The following PDE10A variants were observed in gnomAD, a reference collection of about 807,000 sequenced individuals.
The protein encoded by PDE10A is cAMP and cAMP-inhibited cGMP 3',5'-cyclic phosphodiesterase 10A.
PDE10A carries 39 observed loss-of-function variants against 97.7 expected under a neutral mutation model. The observed-to-expected ratio is 0.40, with a 90% CI of 0.31 to 0.52. The LOEUF is 0.52. Ranked by LOEUF, PDE10A falls within the 20% of genes least tolerant of loss-of-function variation. The pLI is 0.56. For missense variants in PDE10A, 731 were observed against 1,047.8 expected, an observed-to-expected ratio of 0.70 and a Z score of 4.17; for synonymous variants, 371 against 376.8, an observed-to-expected ratio of 0.98 and a Z score of 0.18.
At chr6:165,569,662 C>T (rs534431680) in intron 1 of PDE10A, among the ~76,000 whole-genome samples, 1 of 152,216 alleles carries the variant, frequency 6.6e-6, no homozygotes, top group East Asian at 1.9e-4. Context: ...TAAACTCATA[C>T]CCTCCTCTTA....
chr6:165,760,206 G>A (rs1426329201), intron 1 of PDE10A, among the ~76,000 whole-genome samples: 5 of 152,120 alleles, frequency 3.3e-5, no homozygotes, highest in African/African-American at 9.7e-5. Context: ...ACACTACCAC[G>A]AAGGTTTTTC....
intron 4 of PDE10A, 43 bp downstream of exon 4, chr6:165,450,199 T>A: frequency 1.5e-6 from 2 of 1,309,012 alleles, no homozygotes; most frequent in South Asian, 3.1e-5. Context: ...TGTAAAAGAA[T>A]CTTTGCCCAT....
chr6:165,653,373 C>T (rs993704764), intron 1 of PDE10A, among the ~76,000 whole-genome samples: 16 of 152,138 alleles, frequency 1.1e-4, no homozygotes, highest in African/African-American at 2.7e-4. Context: ...CACGGATGAG[C>T]GGACCATGAC....
intron 1 of PDE10A, among the ~76,000 whole-genome samples, chr6:165,544,037 G>T (rs139737852): frequency 6.6e-6 from 1 of 152,104 alleles, no homozygotes; most frequent in Non-Finnish European, 1.5e-5. Flanking sequence ...AAGGCTTACA[G>T]AGTACTTATT....
chr6:165,718,281 G>A (rs1056043918), intron 1 of PDE10A: 5 of 152,142 alleles, frequency 3.3e-5, no homozygotes, highest in African/African-American at 9.7e-5. Flanking sequence ...CTTGTGCAGG[G>A]ACCTGGTTAA....
rs1234626049 is a variant in PDE10A at position 165,655,945 on chromosome 6, C to T, written c.865+6002G>A. 1.3e-5 allele frequency among the ~76,000 whole-genome samples: 2 copies of T among 152,064 alleles called. No homozygotes were observed. The highest frequency in any genetic ancestry group is 1.3e-4 in the Admixed American group (2 of 15,274). ...CTGCATGGCCGATGACACCTTGTCA[C>T]TCAGAGGCCATTTCTACTGCCCCTG... On this transcript the variant is annotated intron_variant, in intron 1 of 21. Transcript: ENST00000539869. This position sits in a 1 kb window ranked among gnomAD's most constrained non-coding sequence, Gnocchi z 4.5.
chr6:165,619,683 T>C (rs1788024226), intron 1 of PDE10A, among the ~76,000 whole-genome samples: 1 of 148,010 alleles, frequency 6.8e-6, no homozygotes, highest in Non-Finnish European at 1.5e-5. Flanking sequence ...TGTAGTCTAG[T>C]GTAGTGTAGT....
At chr6:165,475,387 C>T (rs1244368927) in intron 3 of PDE10A, among the ~76,000 whole-genome samples, 1 of 152,096 alleles carries the variant, frequency 6.6e-6, no homozygotes, top group Non-Finnish European at 1.5e-5. Context: ...CTATGAAAAT[C>T]TCCCCATTCT....
At chr6:165,579,074 A>C (rs1031046469) in intron 1 of PDE10A, among the ~76,000 whole-genome samples, 1 of 152,220 alleles carries the variant, frequency 6.6e-6, no homozygotes. Context: ...ATGAAGGATC[A>C]ACCTTTTAGG....
chr6:165,369,287 C>T (rs373527853), intron 18 of PDE10A, among the ~76,000 whole-genome samples: 17 of 151,782 alleles, frequency 1.1e-4, no homozygotes, highest in South Asian at 4.2e-4. Context: ...CTCTGAGCTA[C>T]GGGAGGACAT....
intron 1 of PDE10A, among the ~76,000 whole-genome samples, chr6:165,913,586 T>C (rs1782523416): frequency 6.6e-6 from 1 of 152,234 alleles, no homozygotes; most frequent in Non-Finnish European, 1.5e-5. Context: ...CCGAGTTTGC[T>C]TGAATCCAAG....
chr6:165,480,203 T>C (rs1419536457), intron 3 of PDE10A, among the ~76,000 whole-genome samples: 1 of 152,206 alleles, frequency 6.6e-6, no homozygotes, highest in Non-Finnish European at 1.5e-5. Context: ...CTCAAAGGGT[T>C]TGGATACGAA....
chr6:165,378,825 T>C (rs1188309729), intron 18 of PDE10A, among the ~76,000 whole-genome samples: 1 of 152,186 alleles, frequency 6.6e-6, no homozygotes, highest in African/African-American at 2.4e-5. Context: ...ATTCTGGAAA[T>C]AGAATCCATT....
chr6:165,738,749 TTCTC>T (rs1483959799), intron 1 of PDE10A, among the ~76,000 whole-genome samples: 2 of 152,236 alleles, frequency 1.3e-5, no homozygotes, highest in Non-Finnish European at 2.9e-5. Flanking sequence ...TGATTTGCAT[TTCTC>T]TGATGGCTGG....
intron 1 of PDE10A, among the ~76,000 whole-genome samples, chr6:165,951,518 T>C (rs1374692647): frequency 6.6e-6 from 1 of 152,020 alleles, no homozygotes; most frequent in African/African-American, 2.4e-5. Context: ...CTCCCACTGG[T>C]CCTGAAGCAG....
At chr6:165,407,568 T>C (rs1280367268) in intron 13 of PDE10A, among the ~76,000 whole-genome samples, 1 of 152,238 alleles carries the variant, frequency 6.6e-6, no homozygotes, top group Non-Finnish European at 1.5e-5. Context: ...ATAAAAAAGA[T>C]AGGCAATACT....
chr6:165,740,554 C>T (rs1337648564), intron 1 of PDE10A, among the ~76,000 whole-genome samples: 1 of 152,102 alleles, frequency 6.6e-6, no homozygotes, highest in Admixed American at 6.5e-5. Context: ...AGGATAATCT[C>T]CATCTCCTGA....
chr6:165,533,099 T>C (rs1782880511), intron 2 of PDE10A, among the ~76,000 whole-genome samples: 1 of 152,224 alleles, frequency 6.6e-6, no homozygotes, highest in South Asian at 2.1e-4. Flanking sequence ...AAATTCATAC[T>C]TGCTTAGCAA....
chr6:165,416,304 CA>C (rs1788306833), intron 11 of PDE10A, 23 bp from the exon 12 acceptor site: 1 of 1,429,550 alleles, frequency 7.0e-7, no homozygotes, highest in African/African-American at 1.4e-5. Context: ...AAGAGAAGGA[CA>C]TGCTAATTAA....
Sources: allele counts gnomAD v4.1 joint callset (sites outside exome capture counted in the v4.1 genomes callset), GRCh38; gene constraint gnomAD v4.1.1; non-coding constraint Gnocchi (gnomAD v3.1); transcripts MANE v1.5; gene names NCBI Gene and HGNC (gene_info 2026-07-23, HGNC 2026-07-21).